The following TBC1D5 variants were observed in gnomAD, a reference collection of about 807,000 sequenced individuals.
TBC1D5 encodes the protein TBC1 domain family, member 5.
A neutral mutation model predicts 100.3 loss-of-function variants in TBC1D5; 75 were observed. The observed-to-expected ratio is 0.75, with a 90% CI of 0.62 to 0.91. The LOEUF (loss-of-function observed/expected upper bound fraction) is 0.91. TBC1D5 is among the 40% of genes least tolerant of loss of function. The probability of loss-of-function intolerance (pLI) is 0.00; values close to 1 mark genes in which losing one functional copy is unlikely to be tolerated. For missense variants in TBC1D5, 910 were observed against 942.4 expected (o/e 0.97, Z 0.45); for synonymous variants, 323 against 325.6 (o/e 0.99, Z 0.09).
chr3:17,208,166 G>A (rs1418812228), intron 18 of TBC1D5, among the ~76,000 whole-genome samples: 1 of 152,218 alleles, frequency 6.6e-6, no homozygotes, highest in African/African-American at 2.4e-5. Flanking sequence ...CCACTCTAGT[G>A]GCAGCAGGCG....
intron 17 of TBC1D5, among the ~76,000 whole-genome samples, chr3:17,226,523 T>C (rs1304962576): frequency 1.3e-5 from 2 of 152,060 alleles, no homozygotes; most frequent in Non-Finnish European, 2.9e-5. Flanking sequence ...TGCCCGCAAC[T>C]GAAGAGAGCT....
At chr3:17,157,661 C>T (rs978701156) in exon 22 of TBC1D5, 1 of 152,246 alleles carries the variant, frequency 6.6e-6, no homozygotes, top group African/African-American at 2.4e-5. Flanking sequence ...GACCTAAGTC[C>T]TCCGTACACA....
At chr3:17,448,182 G>T (rs1011676330) in intron 3 of TBC1D5, among the ~76,000 whole-genome samples, 1 of 152,158 alleles carries the variant, frequency 6.6e-6, no homozygotes, top group African/African-American at 2.4e-5. Flanking sequence ...TCATGAGATT[G>T]CAGGAATATA....
intron 21 of TBC1D5, 81 bp from the exon 23 acceptor site, chr3:17,161,337 G>C (rs551060117): frequency 6.8e-7 from 1 of 1,470,736 alleles, no homozygotes; most frequent in South Asian, 1.3e-5. Context: ...TGAACTGGGG[G>C]ACTCGTGGTG....
intron 15 of TBC1D5, among the ~76,000 whole-genome samples, chr3:17,260,764 T>C (rs930014412): frequency 1.3e-5 from 2 of 152,226 alleles, no homozygotes; most frequent in African/African-American, 4.8e-5. Flanking sequence ...TAAAATTTTC[T>C]AGTAGCCACA....
At chr3:17,403,031 T>C (rs1363102126) in intron 8 of TBC1D5, 150 bp downstream of exon 8, 1 of 514,044 alleles carries the variant, frequency 1.9e-6, no homozygotes, top group Non-Finnish European at 3.4e-6. Flanking sequence ...CAATCCTTAT[T>C]ATCACAATTT....
intron 2 of TBC1D5, among the ~76,000 whole-genome samples, chr3:17,605,629 A>G (rs1003441274): frequency 2.6e-5 from 4 of 152,204 alleles, no homozygotes; most frequent in African/African-American, 9.6e-5. Flanking sequence ...ATGCAGGAAA[A>G]CAAAGTTCAC....
chr3:17,291,435 A>G (rs2081729470), intron 15 of TBC1D5, among the ~76,000 whole-genome samples: 1 of 152,224 alleles, frequency 6.6e-6, no homozygotes, highest in Admixed American at 6.5e-5. Flanking sequence ...ATATTAATAC[A>G]TATCATAATA....
At chr3:17,490,929 T>A (rs1018202135) in intron 3 of TBC1D5, among the ~76,000 whole-genome samples, 1 of 152,248 alleles carries the variant, frequency 6.6e-6, no homozygotes. Context: ...TATTGTTTCT[T>A]CCTATCCATG....
At chr3:17,631,381 A>G (rs1402373612) in intron 1 of TBC1D5, among the ~76,000 whole-genome samples, 4 of 152,250 alleles carry the variant, frequency 2.6e-5, no homozygotes, top group East Asian at 1.9e-4. Flanking sequence ...AGCCTTCTCT[A>G]TAACATTAAA....
At chr3:17,669,792 T>C (rs1349592890) in intron 1 of TBC1D5, among the ~76,000 whole-genome samples, 1 of 152,204 alleles carries the variant, frequency 6.6e-6, no homozygotes, top group Non-Finnish European at 1.5e-5. Flanking sequence ...AGCAAGTCAG[T>C]GAGTAAAAAT....
intron 16 of TBC1D5, among the ~76,000 whole-genome samples, chr3:17,241,946 G>T (rs745307262): frequency 1.3e-5 from 2 of 152,150 alleles, no homozygotes; most frequent in Non-Finnish European, 2.9e-5. Flanking sequence ...AACCTTAAAA[G>T]AATCAAATAT....
chr3:17,632,311 G>A (rs752429123), intron 1 of TBC1D5, among the ~76,000 whole-genome samples: 14 of 152,204 alleles, frequency 9.2e-5, no homozygotes, highest in Non-Finnish European at 2.1e-4. Flanking sequence ...GATAAAGTGT[G>A]ACTGGATTAG....
At chr3:17,724,928 C>A (rs749806822) in intron 1 of TBC1D5, among the ~76,000 whole-genome samples, 1 of 152,130 alleles carries the variant, frequency 6.6e-6, no homozygotes, top group African/African-American at 2.4e-5. Flanking sequence ...CTGTTAACTA[C>A]ACCCAACTTT....
chr3:17,729,353 G>GAA (rs148290138), intron 1 of TBC1D5, among the ~76,000 whole-genome samples: 77 of 126,030 alleles, frequency 6.1e-4, no homozygotes, highest in South Asian at 1.7e-3. Flanking sequence ...AAATTTGAGA[G>GAA]AAAAAAAAAA....
chr3:17,374,286 TG>T (rs1287234589), intron 12 of TBC1D5, among the ~76,000 whole-genome samples, 184 bp downstream of exon 12: 13 of 152,120 alleles, frequency 8.5e-5, no homozygotes, highest in Non-Finnish European at 1.9e-4. Context: ...CAATTGCCTT[TG>T]TGTATCTGCC....
intron 2 of TBC1D5, among the ~76,000 whole-genome samples, chr3:17,555,454 A>C (rs975387186): frequency 6.6e-6 from 1 of 152,214 alleles, no homozygotes; most frequent in African/African-American, 2.4e-5. Flanking sequence ...GTGGATTCAA[A>C]GATTTTCTGG....
chr3:17,710,738 C>T (rs921912152), intron 1 of TBC1D5, among the ~76,000 whole-genome samples: 2 of 151,970 alleles, frequency 1.3e-5, no homozygotes, highest in African/African-American at 4.8e-5. Context: ...CGCTCTGTTG[C>T]CCAGGCTGGT....
At chr3:17,460,236 T>C (rs1165553775) in intron 3 of TBC1D5, among the ~76,000 whole-genome samples, 4 of 152,164 alleles carry the variant, frequency 2.6e-5, no homozygotes, top group Admixed American at 1.3e-4. Flanking sequence ...AAAAACTACC[T>C]GGGAATTCAC....
Sources: gnomAD v4.1 joint callset for allele counts (sites outside exome capture counted in the v4.1 genomes callset) on GRCh38, gnomAD v4.1.1 for gene constraint, MANE v1.5 for transcripts, NCBI Gene and HGNC (gene_info 2026-07-23, HGNC 2026-07-21) for gene names.